Variants in DAD1 observed in about 807,000 individuals in gnomAD.
DAD1 encodes dolichyl-diphosphooligosaccharide--protein glycosyltransferase subunit DAD1.
Under a neutral mutation model 9.0 loss-of-function variants are expected in DAD1, and 4 were observed. The observed-to-expected ratio is 0.44, with a 90% CI of 0.22 to 1.01. DAD1 has a LOEUF of 1.01. DAD1 is among the 50% of genes least tolerant of loss of function. The probability of loss-of-function intolerance (pLI) is 0.24; values close to 1 mark genes in which losing one functional copy is unlikely to be tolerated. For missense variants in DAD1, 119 were observed against 137.3 expected, an observed-to-expected ratio of 0.87 and a Z score of 0.67; for synonymous variants, 60 against 62.5, an observed-to-expected ratio of 0.96 and a Z score of 0.19.
intron 1 of DAD1, among the ~76,000 whole-genome samples, chr14:22,577,569 G>A (rs1159443827): frequency 1.3e-5 from 2 of 152,208 alleles, no homozygotes; most frequent in African/African-American, 4.8e-5. Flanking sequence ...TAAGCAAAGT[G>A]TGATGTATAC....
intron 1 of DAD1, among the ~76,000 whole-genome samples, chr14:22,583,616 T>A (rs2037133024): frequency 6.6e-6 from 1 of 151,730 alleles, no homozygotes; most frequent in Admixed American, 6.6e-5. Flanking sequence ...TCAAACGGAT[T>A]TTTTTTAAAT....
intron 1 of DAD1, among the ~76,000 whole-genome samples, chr14:22,581,600 A>G (rs2037116089): frequency 1.3e-5 from 2 of 151,862 alleles, no homozygotes; most frequent in Non-Finnish European, 2.9e-5. Context: ...AAAATTAGCC[A>G]GGCTTGGTGG....
intron 1 of DAD1, among the ~76,000 whole-genome samples, chr14:22,586,656 T>A: frequency 6.6e-6 from 1 of 152,274 alleles, no homozygotes; most frequent in Non-Finnish European, 1.5e-5. Context: ...GACTCCTCCA[T>A]TCTCTTGCAA....
chr14:22,579,159 C>T (rs45622831), intron 1 of DAD1, among the ~76,000 whole-genome samples: 105,564 of 151,192 alleles, frequency 0.7, 38,529 homozygotes, highest in African/African-American at 0.93. Context: ...AGAGAGATAA[C>T]TCATGAGAAC....
At chr14:22,583,605 G>A (rs1189137475) in intron 1 of DAD1, among the ~76,000 whole-genome samples, 2 of 152,210 alleles carry the variant, frequency 1.3e-5, no homozygotes, top group East Asian at 3.9e-4. Flanking sequence ...ATTATCTGTG[G>A]TCAAACGGAT....
intron 2 of DAD1, among the ~76,000 whole-genome samples, chr14:22,573,692 A>G (rs1200405413): frequency 1.4e-5 from 2 of 144,438 alleles, no homozygotes; most frequent in Non-Finnish European, 3.0e-5. Flanking sequence ...CCTGGGTAAC[A>G]GAGCGAGACT....
chr14:22,580,585 A>G (rs1224189081), intron 1 of DAD1, among the ~76,000 whole-genome samples: 1 of 152,116 alleles, frequency 6.6e-6, no homozygotes, highest in Non-Finnish European at 1.5e-5. Flanking sequence ...ATGAGGGAAA[A>G]AAAGAAAAAT....
intron 2 of DAD1, among the ~76,000 whole-genome samples, chr14:22,566,733 G>A (rs948504790): frequency 1.3e-5 from 2 of 152,212 alleles, no homozygotes; most frequent in East Asian, 3.9e-4. Flanking sequence ...TCCTAGTTTA[G>A]TACAAAATCA....
Position 22,575,116 on chromosome 14 carries a change from T to A in DAD1, c.329A>T (p.Asn110Ile), listed in dbSNP as rs1158166082. The change falls in exon 2 of 3, where the codon AAC becomes ATC. Residue 110 changes from asparagine (N) to isoleucine (I), a missense_variant. By Grantham distance (149) the Asn-to-Ile change is moderately radical. Transcript: ENST00000250498. ...ASTILHLVVMNFVG is the reference protein window; with the variant it reads ...ASTILHLVVMIFVG ...AATGAGAATGATTCAGCCAACAAAGTTCATGACAACAAGGTGCAGGATGGT... is the reference window on the plus strand; with the variant it reads ...AATGAGAATGATTCAGCCAACAAAGATCATGACAACAAGGTGCAGGATGGT... 5.0e-6 allele frequency: 8 copies of A among 1,613,822 alleles called. No individual in the cohort carries two copies. In the Admixed American group the frequency reaches 6.7e-5, roughly 13 times the overall value.
intron 1 of DAD1, among the ~76,000 whole-genome samples, chr14:22,578,109 C>A (rs568444827): frequency 6.6e-6 from 1 of 151,248 alleles, no homozygotes; most frequent in Admixed American, 6.6e-5. Context: ...CAAAATTAGC[C>A]GGGCATGGTG....
chr14:22,567,591 C>T (rs1462319814), intron 2 of DAD1, among the ~76,000 whole-genome samples: 1 of 152,172 alleles, frequency 6.6e-6, no homozygotes, highest in Non-Finnish European at 1.5e-5. Flanking sequence ...TGTCCAACAC[C>T]ACAGCCACTA....
intron 1 of DAD1, among the ~76,000 whole-genome samples, chr14:22,587,480 T>G (rs559497618): frequency 6.6e-6 from 1 of 152,192 alleles, no homozygotes; most frequent in South Asian, 2.1e-4. Flanking sequence ...GGGTAGTGTA[T>G]CTGGTCGGAT....
chr14:22,575,360 A>G, intron 1 of DAD1, 127 bp from the exon 2 acceptor site: 1 of 1,033,192 alleles, frequency 9.7e-7, no homozygotes, highest in South Asian at 1.8e-5. Context: ...ATATACATCA[A>G]AGGGCATACA....
Position 22,589,170 on chromosome 14 carries a change from G to C in DAD1, c.-13C>G, listed in dbSNP as rs200823592. On this transcript the variant is annotated 5_prime_UTR_variant, in exon 1 of 3. Coordinates refer to ENST00000250498, the MANE Select transcript of DAD1 (RefSeq NM_001344.4). ...CCGACGCCGACATAACTGCACGCAA[G>C]GTACTCCGGTCCGCGCCCCAAACTC... 6.2e-6 allele frequency: 10 copies of C among 1,613,846 alleles called. No homozygotes were observed. In the East Asian group the frequency reaches 6.7e-5, roughly 11 times the overall value.
At chr14:22,586,271 C>T (rs1272023773) in intron 1 of DAD1, among the ~76,000 whole-genome samples, 1 of 151,484 alleles carries the variant, frequency 6.6e-6, no homozygotes, top group Non-Finnish European at 1.5e-5. Flanking sequence ...CCTGGCCGGG[C>T]ACAGTGACTC....
chr14:22,568,693 T>C (rs916178011), intron 2 of DAD1, among the ~76,000 whole-genome samples: 3 of 125,430 alleles, frequency 2.4e-5, no homozygotes, highest in Admixed American at 7.7e-5. Context: ...ACAAGTCTTC[T>C]GATTTTTTTT....
At chr14:22,576,894 G>A (rs1251999070) in intron 1 of DAD1, among the ~76,000 whole-genome samples, 1 of 152,078 alleles carries the variant, frequency 6.6e-6, no homozygotes, top group Non-Finnish European at 1.5e-5. Context: ...TTAATCACTA[G>A]GGCAATACAA....
At position 22,585,733 on chromosome 14, in the gene DAD1, C is replaced by A. The variant is rs148605240; in HGVS notation, c.211+3214G>T. 1.6e-3 allele frequency among the ~76,000 whole-genome samples: 237 copies of A among 152,150 alleles called. 1 individual carries two copies. Among genetic ancestry groups the A allele is most frequent in the African/African-American group, 5.5e-3 (229 of 41,496 alleles). On this transcript the variant is annotated intron_variant, in intron 1 of 2. Transcript: ENST00000250498. ...AACAGGTTTTTTAAAGGTTTGGTAGCGTTCTGAATTGGTTTAAAATGTACT... is the reference window on the plus strand; with the variant it reads ...AACAGGTTTTTTAAAGGTTTGGTAGAGTTCTGAATTGGTTTAAAATGTACT...
intron 1 of DAD1, among the ~76,000 whole-genome samples, chr14:22,579,307 C>T (rs541707488): frequency 6.6e-6 from 1 of 151,644 alleles, no homozygotes; most frequent in African/African-American, 2.4e-5. Context: ...CTTAAGAAAA[C>T]CTAAACTCGC....
Sources: gnomAD v4.1 joint callset for allele counts (sites outside exome capture counted in the v4.1 genomes callset) on GRCh38, gnomAD v4.1.1 for gene constraint, MANE v1.5 for transcripts, NCBI Gene and HGNC (gene_info 2026-07-23, HGNC 2026-07-21) for gene names.